UBE2L6: variants seen among roughly 807,000 people sequenced by gnomAD.
The protein encoded by UBE2L6 is ubiquitin/ISG15-conjugating enzyme E2 L6.
UBE2L6 carries 11 observed loss-of-function variants against 13.6 expected under a neutral mutation model. The ratio of observed to expected loss-of-function variants is 0.81; its 90% CI spans 0.51 to 1.34. The LOEUF is 1.34. UBE2L6 is among the 40% of genes most tolerant of loss of function. The pLI, the probability that UBE2L6 is intolerant of heterozygous loss-of-function variation, is 0.00. For synonymous variants in UBE2L6, 74 were observed against 83.2 expected (o/e 0.89, Z 0.60); for missense variants, 197 against 199.5 (o/e 0.99, Z 0.07).
chr11:57,567,634 C>G lies in UBE2L6; in HGVS notation c.-23G>C, dbSNP rs1257000512. The G allele has an allele frequency of 3.7e-6, 6 of 1,604,354 alleles. No homozygotes were observed. In the South Asian group the frequency reaches 6.8e-5, roughly 18 times the overall value. On this transcript the variant is annotated 5_prime_UTR_variant, in exon 1 of 4. Transcript: ENST00000287156. ...CATGTCGGGACCGAGTGTGTGGCAC[C>G]CGTGGCCTCCAGCAGGACCGAGCTC...
intron 2 of UBE2L6, 59 bp from the exon 3 acceptor site, chr11:57,554,682 T>C (rs1268596833): frequency 6.3e-7 from 1 of 1,594,466 alleles, no homozygotes; most frequent in African/African-American, 1.3e-5. Flanking sequence ...CCTGCCCCAA[T>C]CCGAGGGTCC....
chr11:57,562,462 C>T (rs1037291223), intron 1 of UBE2L6, among the ~76,000 whole-genome samples: 21 of 152,236 alleles, frequency 1.4e-4, no homozygotes, highest in African/African-American at 4.1e-4. Context: ...ATTGCAGAGC[C>T]CTAGGGCCTT....
At chr11:57,565,630 G>C (rs1359828431) in intron 1 of UBE2L6, among the ~76,000 whole-genome samples, 1 of 152,118 alleles carries the variant, frequency 6.6e-6, no homozygotes, top group African/African-American at 2.4e-5. Context: ...CTCCCAAAGT[G>C]CTGATATTAC....
At chr11:57,565,493 T>C (rs1194306418) in intron 1 of UBE2L6, among the ~76,000 whole-genome samples, 2 of 149,904 alleles carry the variant, frequency 1.3e-5, no homozygotes, top group Non-Finnish European at 3.0e-5. Flanking sequence ...GCCTCCCAAG[T>C]AGCTAGGACT....
rs1364973876 is a variant in UBE2L6 at position 57,552,518 on chromosome 11, A to G, written c.311-9T>C. ...ATTGAGGGCCTCCAGGACTGGGGAG[A>G]GACAGGCCAGATCAGGATATCAGGG... On this transcript the variant is annotated splice_polypyrimidine_tract_variant and intron_variant, in intron 3 of 3. Transcript: ENST00000287156. 6.2e-7 allele frequency: 1 copy of G among 1,614,048 alleles called. No homozygotes were observed. Among genetic ancestry groups the G allele is most frequent in the South Asian group, 1.1e-5 (1 of 91,072 alleles).
At chr11:57,553,438 G>A (rs2135272495) in intron 3 of UBE2L6, among the ~76,000 whole-genome samples, 1 of 152,354 alleles carries the variant, frequency 6.6e-6, no homozygotes, top group Non-Finnish European at 1.5e-5. Context: ...AGGTTGCAGT[G>A]AGCCAAGATT....
At chr11:57,562,993 G>A (rs1115174) in intron 1 of UBE2L6, among the ~76,000 whole-genome samples, 1,582 of 152,062 alleles carry the variant, frequency 0.01, 31 homozygotes, top group African/African-American at 0.036. Context: ...CTCACCAAAC[G>A]AACTAAATAA....
intron 1 of UBE2L6, chr11:57,566,943 G>GCCCCCCCCCCCCCCCCCCC: frequency 1.3e-5 from 1 of 75,880 alleles, no homozygotes; most frequent in Non-Finnish European, 2.7e-5. Context: ...GTTCATCTCT[G>GCCCCCCCCCCCCCCCCCCC]CCCGCCCCCC....
intron 2 of UBE2L6, among the ~76,000 whole-genome samples, chr11:57,556,627 T>TA (rs374420993): frequency 2.0e-4 from 26 of 129,144 alleles, no homozygotes; most frequent in African/African-American, 6.8e-4. Flanking sequence ...AGAGATGGAG[T>TA]AAAAAAAAGT....
At chr11:57,555,960 T>C (rs1353547902) in intron 2 of UBE2L6, among the ~76,000 whole-genome samples, 2 of 152,144 alleles carry the variant, frequency 1.3e-5, no homozygotes, top group African/African-American at 2.4e-5. Flanking sequence ...TTTACTATGA[T>C]TAAAAACAAA....
rs1169742033 is a variant in UBE2L6 at position 57,552,213 on chromosome 11, C to T, written c.*145G>A. 3 of 1,151,636 alleles carry T rather than the reference C, an allele frequency of 2.6e-6. No individual in the cohort carries two copies. The highest frequency in any genetic ancestry group is 4.9e-5 in the East Asian group (2 of 41,210). 71.3% of individuals were successfully genotyped at this position (1,151,636 alleles called of 1,614,324 possible). On this transcript the variant is annotated 3_prime_UTR_variant, in exon 4 of 4. Coordinates refer to ENST00000287156, the MANE Select transcript of UBE2L6 (RefSeq NM_004223.5). The stretch of plus-strand genomic sequence containing the variant: ...CACACTCATAGCTCCCTTCCCTCCA[C>T]CACACACACACACAAACTAATGACT...
chr11:57,564,694 T>C (rs1241831990), intron 1 of UBE2L6, among the ~76,000 whole-genome samples: 1 of 151,768 alleles, frequency 6.6e-6, no homozygotes, highest in African/African-American at 2.4e-5. Flanking sequence ...CCCCAGCTAC[T>C]CGGGAGGCTG....
Position 57,565,140 on chromosome 11 carries a change from G to A in UBE2L6, c.27+2445C>T, listed in dbSNP as rs562517405. ...GCCTGTAATCCCAGCTACTCAGGAG[G>A]CTGAGGCAGGAGAATCACTTGAGCC... On this transcript the variant is annotated intron_variant, in intron 1 of 3. Transcript: ENST00000287156. 1.1e-4 allele frequency among the ~76,000 whole-genome samples: 16 copies of A among 151,948 alleles called. No individual in the cohort carries two copies. In the South Asian group the frequency reaches 1.5e-3, roughly 14 times the overall value.
rs1944963923 is a variant in UBE2L6 at position 57,552,207 on chromosome 11, C to T, written c.*151G>A. ...AACACACACACTCATAGCTCCCTTC[C>T]CTCCACCACACACACACACAAACTA... On this transcript the variant is annotated 3_prime_UTR_variant, in exon 4 of 4. Coordinates refer to ENST00000287156, the MANE Select transcript of UBE2L6 (RefSeq NM_004223.5). The T allele has an allele frequency of 8.9e-7, 1 of 1,129,246 alleles. No individual in the cohort carries two copies. Among genetic ancestry groups the T allele is most frequent in the Admixed American group, 2.1e-5 (1 of 47,608 alleles). The allele number at this position is 1,129,246 out of a possible 1,614,324, so 70.0% of individuals were successfully genotyped here. A position where few individuals can be genotyped will look rare whatever the true frequency, so the allele number is the denominator to read the frequency against.
At chr11:57,561,764 A>G (rs1039290602) in intron 1 of UBE2L6, among the ~76,000 whole-genome samples, 1 of 152,216 alleles carries the variant, frequency 6.6e-6, no homozygotes, top group African/African-American at 2.4e-5. Context: ...GTGATTGACC[A>G]AGCTGTGGGC....
chr11:57,565,362 T>TG (rs1223147538), intron 1 of UBE2L6, among the ~76,000 whole-genome samples: 12 of 91,460 alleles, frequency 1.3e-4, no homozygotes, highest in Non-Finnish European at 2.7e-4. Flanking sequence ...AGTTGTTTTT[T>TG]TTTTTTTTTT....
intron 1 of UBE2L6, among the ~76,000 whole-genome samples, chr11:57,563,656 C>A (rs1377933993): frequency 6.6e-6 from 1 of 151,176 alleles, no homozygotes; most frequent in Non-Finnish European, 1.5e-5. Flanking sequence ...CTTTGGGAGG[C>A]CGAGGCAGGT....
chr11:57,563,481 CAA>C (rs35614262), intron 1 of UBE2L6, among the ~76,000 whole-genome samples: 51,219 of 115,458 alleles, frequency 0.44, 9,852 homozygotes, highest in East Asian at 0.73. Context: ...AACTCTGTCT[CAA>C]AAAAAAAAAA....
At position 57,554,573 on chromosome 11, in the gene UBE2L6, C is replaced by T. The variant is rs201910744; in HGVS notation, c.174G>A (p.Pro58=). ...TGGGAGGCTTGAACGGATACTCCGG[C>T]GGGAAGCTGATGCGCAGGTTGAAGG... ...LKAFNLRISF[P]PEYPFKPPMI... The change falls in exon 3 of 4, where the codon CCG becomes CCA. Residue 58 remains proline, a synonymous_variant. Coordinates refer to ENST00000287156, the MANE Select transcript of UBE2L6 (RefSeq NM_004223.5). 6.8e-5 allele frequency: 110 copies of T among 1,613,954 alleles called. No homozygotes were observed. The highest frequency in any genetic ancestry group is 7.9e-5 in the Non-Finnish European group (93 of 1,180,006).
Sources: gnomAD v4.1 joint callset for allele counts (sites outside exome capture counted in the v4.1 genomes callset) on GRCh38, gnomAD v4.1.1 for gene constraint, MANE v1.5 for transcripts, NCBI Gene and HGNC (gene_info 2026-07-23, HGNC 2026-07-21) for gene names.